Variants in QTMAN observed in about 807,000 individuals in gnomAD.
QTMAN encodes queuosine-tRNA mannosyltransferase, also known as tRNA-queuosine alpha-mannosyltransferase.
chr2:144,217,212 T>C, the QTMAN span, among the ~76,000 whole-genome samples: 1 of 152,042 alleles, frequency 6.6e-6, no homozygotes, highest in African/African-American at 2.4e-5. Flanking sequence ...ATACCATTGT[T>C]GAACCACTTT....
chr2:144,121,587 G>T, the QTMAN span, among the ~76,000 whole-genome samples: 6 of 152,192 alleles, frequency 3.9e-5, no homozygotes, highest in Non-Finnish European at 7.3e-5. Context: ...AAAGTATGAA[G>T]AAGGGAGGCA....
chr2:144,290,243 A>G, the QTMAN span, among the ~76,000 whole-genome samples: 15 of 152,248 alleles, frequency 9.9e-5, no homozygotes, highest in East Asian at 2.1e-3. Flanking sequence ...TCTTTGCTCA[A>G]TCAAACTCTG....
the QTMAN span, among the ~76,000 whole-genome samples, chr2:144,099,395 T>C: frequency 2.0e-5 from 3 of 151,768 alleles, no homozygotes; most frequent in Admixed American, 6.6e-5. Context: ...AGGAAGAGAG[T>C]TGGAAAACAA....
At chr2:144,109,540 A>G in the QTMAN span, among the ~76,000 whole-genome samples, 1 of 152,240 alleles carries the variant, frequency 6.6e-6, no homozygotes, top group Non-Finnish European at 1.5e-5. Flanking sequence ...GCCAAAATTG[A>G]CAAATGGGAT....
chr2:144,166,381 C>T, the QTMAN span, among the ~76,000 whole-genome samples: 1 of 152,196 alleles, frequency 6.6e-6, no homozygotes, highest in African/African-American at 2.4e-5. Flanking sequence ...TGGGTGTCCC[C>T]ATATCTTTGT....
At chr2:144,219,676 G>T in the QTMAN span, among the ~76,000 whole-genome samples, 12 of 152,032 alleles carry the variant, frequency 7.9e-5, no homozygotes, top group Non-Finnish European at 1.8e-4. Context: ...CAAATAATTA[G>T]CTGGGTGTGG....
the QTMAN span, among the ~76,000 whole-genome samples, chr2:144,274,070 G>GA: frequency 6.6e-6 from 1 of 152,076 alleles, no homozygotes; most frequent in Admixed American, 6.5e-5. Context: ...GGAGGCAGAG[G>GA]TTGCAGTAGG....
At chr2:144,036,137 G>GA in the QTMAN span, among the ~76,000 whole-genome samples, 1 of 152,164 alleles carries the variant, frequency 6.6e-6, no homozygotes, top group Non-Finnish European at 1.5e-5. Context: ...GACTTTATGA[G>GA]AAAAATAGTT....
At chr2:144,062,359 G>A in the QTMAN span, among the ~76,000 whole-genome samples, 1 of 152,220 alleles carries the variant, frequency 6.6e-6, no homozygotes, top group African/African-American at 2.4e-5. Context: ...CACTGCCATT[G>A]GACAGATGAG....
the QTMAN span, among the ~76,000 whole-genome samples, chr2:144,087,720 C>T: frequency 4.6e-5 from 7 of 152,032 alleles, no homozygotes; most frequent in African/African-American, 1.2e-4. Context: ...CCTCGACAGA[C>T]GCAGAAGATA....
the QTMAN span, among the ~76,000 whole-genome samples, chr2:144,052,242 T>C: frequency 6.6e-6 from 1 of 152,144 alleles, no homozygotes; most frequent in Admixed American, 6.5e-5. Context: ...AGGATAAAAC[T>C]GGGGCTGTGA....
the QTMAN span, among the ~76,000 whole-genome samples, chr2:144,110,506 G>T: frequency 6.6e-6 from 1 of 151,828 alleles, no homozygotes; most frequent in Non-Finnish European, 1.5e-5. Flanking sequence ...AAACCTGCAC[G>T]TTGTGCACAT....
At chr2:144,318,390 AG>A in the QTMAN span, among the ~76,000 whole-genome samples, 1 of 152,254 alleles carries the variant, frequency 6.6e-6, no homozygotes, top group Non-Finnish European at 1.5e-5. Flanking sequence ...TTTAGAATCC[AG>A]AACATCCCTT....
the QTMAN span, chr2:143,946,207 A>G: frequency 6.6e-6 from 1 of 152,212 alleles, no homozygotes; most frequent in Non-Finnish European, 1.5e-5. Flanking sequence ...TGTTAGGAGT[A>G]TTTTGATTTT....
At chr2:144,180,456 T>C in the QTMAN span, among the ~76,000 whole-genome samples, 1 of 152,152 alleles carries the variant, frequency 6.6e-6, no homozygotes, top group African/African-American at 2.4e-5. Flanking sequence ...TAAAAAAAAT[T>C]AGAGTATTCA....
chr2:144,076,277 T>A, the QTMAN span, among the ~76,000 whole-genome samples: 4 of 152,096 alleles, frequency 2.6e-5, no homozygotes, highest in Non-Finnish European at 4.4e-5. Context: ...GAATGCCTTA[T>A]GAACACCACA....
At chr2:144,287,599 T>C in the QTMAN span, among the ~76,000 whole-genome samples, 1 of 152,204 alleles carries the variant, frequency 6.6e-6, no homozygotes, top group East Asian at 1.9e-4. Flanking sequence ...TAAGACCTTT[T>C]TGACAGCATA....
the QTMAN span, among the ~76,000 whole-genome samples, chr2:144,044,615 C>T: frequency 6.6e-6 from 1 of 152,116 alleles, no homozygotes; most frequent in Non-Finnish European, 1.5e-5. Flanking sequence ...AGTTACAGTT[C>T]TGAATTCTTT....
chr2:144,182,796 TA>T, the QTMAN span, among the ~76,000 whole-genome samples: 20 of 26,872 alleles, frequency 7.4e-4, no homozygotes, highest in African/African-American at 1.8e-3. Flanking sequence ...TATATATATA[TA>T]TTATATATAT....
Sources: allele counts gnomAD v4.1 joint callset (sites outside exome capture counted in the v4.1 genomes callset), GRCh38; gene constraint gnomAD v4.1.1; transcripts MANE v1.5; gene names NCBI Gene and HGNC (gene_info 2026-07-23, HGNC 2026-07-21).